PPP2R3A: variants seen among roughly 807,000 people sequenced by gnomAD.
PPP2R3A encodes the protein protein phosphatase 2 regulatory subunit B''alpha.
Under a neutral mutation model 106.9 loss-of-function variants are expected in PPP2R3A, and 80 were observed. That is an observed-to-expected ratio of 0.75 (90% CI 0.62 to 0.90). PPP2R3A has a LOEUF of 0.90. Among genes scored for constraint, PPP2R3A ranks in the 40% least tolerant of loss-of-function variants. PPP2R3A has a pLI of 0.00. For synonymous variants in PPP2R3A, 483 were observed against 468.3 expected (o/e 1.03, Z -0.41); for missense variants, 1,386 against 1,350.4 (o/e 1.03, Z -0.41).
chr3:136,028,236 C>T (rs575243887), intron 3 of PPP2R3A, among the ~76,000 whole-genome samples: 29 of 152,206 alleles, frequency 1.9e-4, no homozygotes, highest in Non-Finnish European at 4.3e-4. Flanking sequence ...CCTGAACCCT[C>T]ACTTGTCATG....
Position 135,992,697 on chromosome 3 carries a change from A to G in PPP2R3A, c.-440-8362A>G, listed in dbSNP as rs1004313033. On this transcript the variant is annotated intron_variant, in intron 1 of 13. Coordinates refer to ENST00000264977, the MANE Select transcript of PPP2R3A (RefSeq NM_002718.5). Reference sequence around the variant, plus strand: ...CAGGCATGGATTTCAGTACACATTCAGGAGAAAATATTCCCCATGTAGTTA... The same window carrying G: ...CAGGCATGGATTTCAGTACACATTCGGGAGAAAATATTCCCCATGTAGTTA... 4.6e-5 allele frequency among the ~76,000 whole-genome samples: 7 copies of G among 152,350 alleles called. No individual in the cohort carries two copies. The Middle Eastern group carries it at 0.024, about 518-fold the overall frequency.
chr3:136,065,674 A>G (rs780939335), intron 5 of PPP2R3A, among the ~76,000 whole-genome samples: 36 of 152,184 alleles, frequency 2.4e-4, no homozygotes, highest in Non-Finnish European at 4.3e-4. Context: ...AGAATACACT[A>G]ATATGCAAAA....
chr3:136,007,021 C>G (rs1933870354), intron 2 of PPP2R3A, among the ~76,000 whole-genome samples: 1 of 152,170 alleles, frequency 6.6e-6, no homozygotes, highest in South Asian at 2.1e-4. Context: ...CATCGGTTTT[C>G]TGGAGTTTAA....
intron 2 of PPP2R3A, among the ~76,000 whole-genome samples, chr3:136,019,724 C>A (rs988716220): frequency 4.6e-5 from 7 of 152,158 alleles, no homozygotes; most frequent in African/African-American, 1.7e-4. Flanking sequence ...TGCTAGTCTT[C>A]CTCTGTCAAT....
chr3:136,086,315 CTACTAAAAA>C (rs1936927095), intron 8 of PPP2R3A, among the ~76,000 whole-genome samples: 1 of 152,080 alleles, frequency 6.6e-6, no homozygotes, highest in African/African-American at 2.4e-5. Flanking sequence ...AACCCCATCT[CTACTAAAAA>C]TACAAAAATT....
intron 3 of PPP2R3A, among the ~76,000 whole-genome samples, chr3:136,035,247 T>G (rs1935046797): frequency 1.3e-5 from 2 of 152,218 alleles, no homozygotes; most frequent in African/African-American, 4.8e-5. Flanking sequence ...TACCATTCCA[T>G]TCATCATGCT....
At chr3:136,064,403 AACTT>A (rs1182757967) in intron 5 of PPP2R3A, among the ~76,000 whole-genome samples, 1 of 151,934 alleles carries the variant, frequency 6.6e-6, no homozygotes, top group African/African-American at 2.4e-5. Flanking sequence ...TGTACCCTAA[AACTT>A]AAAGTATAAA....
rs1939177290 is a variant in PPP2R3A at position 136,147,334 on chromosome 3, A to G, written c.*2168A>G. On this transcript the variant is annotated 3_prime_UTR_variant, in exon 14 of 14. Coordinates refer to ENST00000264977, the MANE Select transcript of PPP2R3A (RefSeq NM_002718.5). ...AGCTATGATTACGACACTGCACTCC[A>G]GCCTAGGCGACAGAGCAAGACCCCA... The G allele has an allele frequency of 6.6e-6, 1 of 152,648 alleles. No homozygotes were observed. The highest frequency in any genetic ancestry group is 2.4e-5 in the African/African-American group (1 of 41,476). 9.5% of individuals were successfully genotyped at this position (152,648 alleles called of 1,614,324 possible).
chr3:136,030,778 A>ATATATATG lies in PPP2R3A; in HGVS notation c.2262+3683_2262+3684insATATGTAT, dbSNP rs1206335696. 3.7e-3 allele frequency among the ~76,000 whole-genome samples: 414 copies of ATATATATG among 111,280 alleles called. 2 individuals are homozygous for ATATATATG. The highest frequency in any genetic ancestry group is 6.0e-3 in the Non-Finnish European group (307 of 51,180). 73.0% of individuals were successfully genotyped at this position (111,280 alleles called of 152,430 possible). A position where few individuals can be genotyped will look rare whatever the true frequency, so the allele number is the denominator to read the frequency against. ...TTCCATCACATATATATATATATAT[A>ATATATATG]TATGTATGTATGTATGTATGTATGT... is the stretch of plus-strand genomic sequence containing the variant. On this transcript the variant is annotated intron_variant, in intron 3 of 13. Coordinates refer to ENST00000264977, the MANE Select transcript of PPP2R3A (RefSeq NM_002718.5).
chr3:136,085,903 A>G (rs1936914471), intron 8 of PPP2R3A, among the ~76,000 whole-genome samples: 1 of 151,340 alleles, frequency 6.6e-6, no homozygotes, highest in Non-Finnish European at 1.5e-5. Context: ...CCTGGGCAAC[A>G]TGGTGAAACC....
chr3:136,071,226 C>T (rs1048273279), intron 6 of PPP2R3A, among the ~76,000 whole-genome samples: 2 of 152,246 alleles, frequency 1.3e-5, no homozygotes, highest in African/African-American at 2.4e-5. Context: ...ATGGCCCTGG[C>T]ATGTAGCTCA....
intron 13 of PPP2R3A, among the ~76,000 whole-genome samples, chr3:136,108,700 T>G (rs528417594): frequency 4.6e-4 from 64 of 139,590 alleles, no homozygotes; most frequent in African/African-American, 1.6e-3. Context: ...TATCATTGGG[T>G]TTTTTTTTTC....
At position 136,053,077 on chromosome 3, in the gene PPP2R3A, G is replaced by T. The variant is rs562239759; in HGVS notation, c.2469+3716G>T. 9.2e-5 allele frequency among the ~76,000 whole-genome samples: 14 copies of T among 152,266 alleles called. No homozygotes were observed. In the East Asian group the frequency reaches 2.7e-3, roughly 29 times the overall value. ...TCTCACTTATAAGTGGGAGCTAAATGGTGAGAACTTATGAAAACAAACAAG... is the reference window on the plus strand; with the variant it reads ...TCTCACTTATAAGTGGGAGCTAAATTGTGAGAACTTATGAAAACAAACAAG... On this transcript the variant is annotated intron_variant, in intron 5 of 13. Coordinates refer to ENST00000264977, the MANE Select transcript of PPP2R3A (RefSeq NM_002718.5).
intron 13 of PPP2R3A, among the ~76,000 whole-genome samples, chr3:136,128,998 C>A (rs1250911579): frequency 6.6e-6 from 1 of 152,170 alleles, no homozygotes; most frequent in Non-Finnish European, 1.5e-5. Context: ...CTACCAGAAT[C>A]TCTGGGACAC....
chr3:136,002,207 T>C lies in PPP2R3A; in HGVS notation c.709T>C (p.Leu237=), dbSNP rs1284113374. The C allele has an allele frequency of 1.9e-6, 3 of 1,613,502 alleles. No individual in the cohort carries two copies. Among genetic ancestry groups the C allele is most frequent in the Non-Finnish European group, 2.5e-6 (3 of 1,179,794 alleles). ...TDIKMCLDIL[L]KCSEDLKKCT... ...CATAAAGATGTGCTTGGACATCTTA[T>C]TGAAATGCTCCGAGGATTTAAAAAA... is the stretch of plus-strand genomic sequence containing the variant. The change falls in exon 2 of 14, where the codon TTG becomes CTG. Residue 237 remains leucine, a synonymous_variant. Transcript: ENST00000264977.
intron 1 of PPP2R3A, among the ~76,000 whole-genome samples, chr3:135,966,091 C>G (rs993337350): frequency 1.3e-5 from 2 of 151,994 alleles, no homozygotes; most frequent in African/African-American, 4.8e-5. Flanking sequence ...TCCCGGGACA[C>G]GGCACCAGGG....
chr3:136,060,608 C>T (rs1936044667), intron 5 of PPP2R3A, among the ~76,000 whole-genome samples: 1 of 152,090 alleles, frequency 6.6e-6, no homozygotes, highest in African/African-American at 2.4e-5. Flanking sequence ...TCGCCTTTCG[C>T]CATGATTGTA....
At chr3:136,048,394 C>T (rs904730824) in intron 4 of PPP2R3A, among the ~76,000 whole-genome samples, 6 of 152,134 alleles carry the variant, frequency 3.9e-5, no homozygotes, top group Non-Finnish European at 7.4e-5. Flanking sequence ...GACTTTAGGC[C>T]AGGCGCCGTG....
intron 3 of PPP2R3A, among the ~76,000 whole-genome samples, chr3:136,028,523 A>G (rs1216129262): frequency 1.3e-5 from 2 of 152,204 alleles, no homozygotes; most frequent in Non-Finnish European, 2.9e-5. Flanking sequence ...CCGGGAGACA[A>G]GTTGTCTAAC....
Sources: gnomAD v4.1 joint callset for allele counts (sites outside exome capture counted in the v4.1 genomes callset) on GRCh38, gnomAD v4.1.1 for gene constraint, MANE v1.5 for transcripts, NCBI Gene and HGNC (gene_info 2026-07-23, HGNC 2026-07-21) for gene names.